Variants in SNX16 observed in about 807,000 individuals in gnomAD.
SNX16 encodes the protein sorting nexin-16.
SNX16 carries 35 observed loss-of-function variants against 36.7 expected under a neutral mutation model. That is an observed-to-expected ratio of 0.95 (90% CI 0.73 to 1.27). SNX16 has a LOEUF of 1.27. SNX16 is among the 50% of genes most tolerant of loss of function. The probability of loss-of-function intolerance (pLI) is 0.00; values close to 1 mark genes in which losing one functional copy is unlikely to be tolerated. For missense variants in SNX16, 367 were observed against 393.6 expected, an observed-to-expected ratio of 0.93 and a Z score of 0.57; for synonymous variants, 134 against 132.0, an observed-to-expected ratio of 1.02 and a Z score of -0.10.
At chr8:81,809,542 C>T (rs1475709683) in intron 5 of SNX16, among the ~76,000 whole-genome samples, 2 of 151,686 alleles carry the variant, frequency 1.3e-5, no homozygotes, top group African/African-American at 2.4e-5. Flanking sequence ...AGAACAAGAG[C>T]CATAGAAAAT....
intron 4 of SNX16, among the ~76,000 whole-genome samples, chr8:81,820,795 G>A (rs757755180): frequency 6.6e-6 from 1 of 151,464 alleles, no homozygotes; most frequent in African/African-American, 2.4e-5. Context: ...GTTTAAACAG[G>A]AGCCTAATTT....
At chr8:81,811,728 G>GT (rs1563435742) in intron 5 of SNX16, among the ~76,000 whole-genome samples, 1 of 151,992 alleles carries the variant, frequency 6.6e-6, no homozygotes, top group Non-Finnish European at 1.5e-5. Flanking sequence ...TTGCTACAGT[G>GT]TATCACCTAA....
intron 4 of SNX16, among the ~76,000 whole-genome samples, chr8:81,816,480 G>A (rs1336564359): frequency 2.6e-5 from 4 of 151,706 alleles, no homozygotes; most frequent in Non-Finnish European, 4.4e-5. Context: ...ACGAACCACC[G>A]CGACCGCACC....
chr8:81,824,906 T>A (rs1810944106), intron 3 of SNX16, among the ~76,000 whole-genome samples: 1 of 152,160 alleles, frequency 6.6e-6, no homozygotes, highest in Non-Finnish European at 1.5e-5. Flanking sequence ...GCTGGAACTG[T>A]CTGAAGTTCA....
intron 2 of SNX16, among the ~76,000 whole-genome samples, chr8:81,833,550 G>C (rs905511521): frequency 2.6e-5 from 4 of 152,172 alleles, no homozygotes; most frequent in African/African-American, 9.6e-5. Context: ...ATTAAAAGAA[G>C]AGAGAAGTCG....
At chr8:81,803,260 A>T (rs755868843) in intron 5 of SNX16, 32 bp from the exon 6 acceptor site, 2 of 1,573,786 alleles carry the variant, frequency 1.3e-6, no homozygotes, top group Admixed American at 3.9e-5. Flanking sequence ...AACTAAACAC[A>T]TGCAGAAAAA....
At chr8:81,836,745 T>C (rs1811512483) in intron 2 of SNX16, among the ~76,000 whole-genome samples, 1 of 152,202 alleles carries the variant, frequency 6.6e-6, no homozygotes, top group Non-Finnish European at 1.5e-5. Context: ...GCTTTGACTG[T>C]CCCCCATCTC....
At chr8:81,815,054 AT>A (rs1274062395) in intron 5 of SNX16, 56 of 182,192 alleles carry the variant, frequency 3.1e-4, no homozygotes, top group East Asian at 9.0e-4. Flanking sequence ...CCCCCAAATC[AT>A]TTTTTTTGAA....
At chr8:81,807,418 C>G (rs1410203004) in intron 5 of SNX16, among the ~76,000 whole-genome samples, 1 of 145,930 alleles carries the variant, frequency 6.9e-6, no homozygotes, top group East Asian at 2.1e-4. Context: ...ACTCAGGAGG[C>G]TGAGGCAGGA....
intron 5 of SNX16, among the ~76,000 whole-genome samples, chr8:81,811,239 G>C (rs1368096711): frequency 6.6e-6 from 1 of 152,156 alleles, no homozygotes; most frequent in Non-Finnish European, 1.5e-5. Context: ...CAGAAGCAAT[G>C]ATCTAGCCAG....
At position 81,801,450 on chromosome 8, in the gene SNX16, T is replaced by A. The variant is rs1439527944; in HGVS notation, c.*47A>T. 5 of 1,130,626 alleles carry A rather than the reference T, an allele frequency of 4.4e-6. No homozygotes were observed. The highest frequency in any genetic ancestry group is 1.6e-5 in the African/African-American group (1 of 63,182). 70.0% of individuals were successfully genotyped at this position (1,130,626 alleles called of 1,614,324 possible). On this transcript the variant is annotated 3_prime_UTR_variant, in exon 8 of 8. Coordinates refer to ENST00000345957, the MANE Select transcript of SNX16 (RefSeq NM_152836.3). Reference sequence around the variant, plus strand: ...TCTTTTAAAATAGTATTTGCCACTCTTCTAAATTTTTGAATAGTCTAAATG... The same window carrying A: ...TCTTTTAAAATAGTATTTGCCACTCATCTAAATTTTTGAATAGTCTAAATG...
intron 2 of SNX16, 76 bp from the exon 3 acceptor site, chr8:81,829,592 T>A (rs1409152851): frequency 1.8e-6 from 1 of 554,252 alleles, no homozygotes; most frequent in Non-Finnish European, 2.8e-6. Context: ...CCAAATATTT[T>A]AAAAAATTTT....
intron 3 of SNX16, among the ~76,000 whole-genome samples, chr8:81,825,270 A>T (rs2130716214): frequency 6.6e-6 from 1 of 152,290 alleles, no homozygotes; most frequent in South Asian, 2.1e-4. Flanking sequence ...ACTTTTAGAA[A>T]AGACAAACTG....
At chr8:81,823,986 A>G (rs1472004293) in intron 3 of SNX16, 46 bp from the exon 4 acceptor site, 1 of 1,533,300 alleles carries the variant, frequency 6.5e-7, no homozygotes, top group African/African-American at 1.4e-5. Context: ...CTCAAGCACT[A>G]TCAATTCTAC....
At chr8:81,838,256 T>C (rs757047482) in intron 2 of SNX16, among the ~76,000 whole-genome samples, 2 of 152,128 alleles carry the variant, frequency 1.3e-5, no homozygotes, top group East Asian at 1.9e-4. Context: ...ATTAGGTTCA[T>C]AGATTTGAAA....
intron 5 of SNX16, among the ~76,000 whole-genome samples, chr8:81,804,265 T>C (rs553386477): frequency 6.6e-6 from 1 of 152,132 alleles, no homozygotes; most frequent in South Asian, 2.1e-4. Flanking sequence ...GAAAGAACTA[T>C]TAAATTATGT....
intron 5 of SNX16, among the ~76,000 whole-genome samples, chr8:81,812,516 C>G (rs1239954729): frequency 6.6e-6 from 1 of 151,852 alleles, no homozygotes; most frequent in African/African-American, 2.4e-5. Flanking sequence ...AGTGGAATGA[C>G]ACATTCAGAG....
chr8:81,816,182 T>C (rs1810477059), intron 4 of SNX16, among the ~76,000 whole-genome samples: 1 of 79,944 alleles, frequency 1.3e-5, no homozygotes, highest in African/African-American at 3.7e-5. Context: ...AAGGATTTTC[T>C]TTTTTTTTTT....
chr8:81,815,262 A>T, intron 5 of SNX16, 63 bp downstream of exon 5: 1 of 1,241,310 alleles, frequency 8.1e-7, no homozygotes, highest in Non-Finnish European at 1.1e-6. Context: ...TCCAAGAAAC[A>T]ATGTAGTTAT....
Sources: allele counts gnomAD v4.1 joint callset (sites outside exome capture counted in the v4.1 genomes callset), GRCh38; gene constraint gnomAD v4.1.1; transcripts MANE v1.5; gene names NCBI Gene and HGNC (gene_info 2026-07-23, HGNC 2026-07-21).